The following SAMMSON variants were observed in gnomAD, a reference collection of about 807,000 sequenced individuals.
SAMMSON encodes the protein survival associated mitochondrial melanoma specific oncogenic non-coding RNA, also known as long intergenic non-protein coding RNA 1212.
chr3:70,095,860 A>G (rs771200678), intron 4 of SAMMSON: 13 of 152,210 alleles, frequency 8.5e-5, no homozygotes, highest in Non-Finnish European at 1.5e-4. Context: ...AAAATAACTA[A>G]TTTGACGTAT....
chr3:70,409,407 A>C (rs1284639651), intron 2 of SAMMSON, among the ~76,000 whole-genome samples: 1 of 151,982 alleles, frequency 6.6e-6, no homozygotes, highest in African/African-American at 2.4e-5. Flanking sequence ...TTTTTTGCAT[A>C]CAGATCAAAA....
intron 4 of SAMMSON, among the ~76,000 whole-genome samples, chr3:70,105,605 A>C (rs879404344): frequency 6.6e-6 from 1 of 152,206 alleles, no homozygotes; most frequent in Admixed American, 6.5e-5. Context: ...TTCCTTATGC[A>C]TGAGGCATTT....
chr3:70,254,939 A>T (rs754917061), intron 6 of SAMMSON, among the ~76,000 whole-genome samples: 2 of 152,178 alleles, frequency 1.3e-5, no homozygotes, highest in African/African-American at 2.4e-5. Context: ...TGGTTTCCTA[A>T]TATTCCTATT....
At chr3:70,272,307 C>T (rs1012679528) in intron 6 of SAMMSON, 1 of 152,258 alleles carries the variant, frequency 6.6e-6, no homozygotes, top group Admixed American at 6.5e-5. Context: ...CAGCCAGCCC[C>T]CAGGCAATCA....
intron 3 of SAMMSON, among the ~76,000 whole-genome samples, chr3:70,034,056 A>G (rs1365967969): frequency 6.6e-6 from 1 of 152,146 alleles, no homozygotes; most frequent in Non-Finnish European, 1.5e-5. Flanking sequence ...AGAGATAGAA[A>G]TTTGAAAGTT....
At chr3:70,136,534 G>A (rs536438108) in intron 4 of SAMMSON, among the ~76,000 whole-genome samples, 3 of 152,346 alleles carry the variant, frequency 2.0e-5, no homozygotes, top group South Asian at 4.1e-4. Context: ...TTGAGAGACT[G>A]TGAGCCAGAA....
chr3:70,418,021 A>C (rs1701279785), intron 2 of SAMMSON, among the ~76,000 whole-genome samples: 1 of 152,208 alleles, frequency 6.6e-6, no homozygotes, highest in African/African-American at 2.4e-5. Context: ...AGGTTAGGTC[A>C]TCCCTGAAGT....
chr3:70,045,843 A>G (rs1015564887), intron 3 of SAMMSON, among the ~76,000 whole-genome samples: 2 of 152,098 alleles, frequency 1.3e-5, no homozygotes, highest in Non-Finnish European at 2.9e-5. Context: ...TCTTTAAATC[A>G]TACAAATTAT....
At chr3:70,051,930 T>C (rs1283507570) in intron 3 of SAMMSON, among the ~76,000 whole-genome samples, 1 of 151,892 alleles carries the variant, frequency 6.6e-6, no homozygotes, top group Non-Finnish European at 1.5e-5. Context: ...AGACTGTGTC[T>C]TTAGAAAAAA....
intron 4 of SAMMSON, among the ~76,000 whole-genome samples, chr3:70,161,085 T>A (rs1449328453): frequency 6.6e-6 from 1 of 152,096 alleles, no homozygotes; most frequent in Admixed American, 6.6e-5. Context: ...TTTCTACACA[T>A]GGTATCATGT....
At chr3:70,190,010 C>T (rs1701119456) in intron 4 of SAMMSON, among the ~76,000 whole-genome samples, 1 of 152,148 alleles carries the variant, frequency 6.6e-6, no homozygotes, top group African/African-American at 2.4e-5. Context: ...GTTGGAATTA[C>T]ATCAGTGTGC....
chr3:70,381,026 C>G (rs139084473), intron 9 of SAMMSON, among the ~76,000 whole-genome samples: 3 of 152,218 alleles, frequency 2.0e-5, no homozygotes, highest in African/African-American at 7.2e-5. Flanking sequence ...GTCTTTATAG[C>G]AGCATGATTT....
At chr3:70,007,248 G>A (rs961521078) in intron 1 of SAMMSON, among the ~76,000 whole-genome samples, 6 of 152,146 alleles carry the variant, frequency 3.9e-5, no homozygotes, top group Non-Finnish European at 8.8e-5. Flanking sequence ...GGTTGAACTA[G>A]TTTACAGTCC....
intron 2 of SAMMSON, among the ~76,000 whole-genome samples, chr3:70,405,504 T>C (rs1397562182): frequency 6.6e-6 from 1 of 152,018 alleles, no homozygotes; most frequent in African/African-American, 2.4e-5. Flanking sequence ...AAATAAGTCA[T>C]AAATAGACAA....
intron 4 of SAMMSON, among the ~76,000 whole-genome samples, chr3:70,107,484 A>G (rs1241035576): frequency 6.6e-6 from 1 of 152,212 alleles, no homozygotes; most frequent in Non-Finnish European, 1.5e-5. Context: ...TGGGATTATA[A>G]CAGGAATGAC....
intron 4 of SAMMSON, among the ~76,000 whole-genome samples, chr3:70,078,836 C>T (rs2067258112): frequency 6.6e-6 from 1 of 152,162 alleles, no homozygotes; most frequent in Non-Finnish European, 1.5e-5. Flanking sequence ...AACTCTCTTG[C>T]CTCACTTTAG....
chr3:70,366,468 G>A (rs1372654082), intron 9 of SAMMSON, among the ~76,000 whole-genome samples: 1 of 102,960 alleles, frequency 9.7e-6, no homozygotes, highest in Non-Finnish European at 2.2e-5. Flanking sequence ...CTGTTTTTTT[G>A]TTTTGTTTCG....
At chr3:70,158,295 A>G (rs746077618) in intron 4 of SAMMSON, among the ~76,000 whole-genome samples, 5 of 152,096 alleles carry the variant, frequency 3.3e-5, no homozygotes, top group Non-Finnish European at 5.9e-5. Context: ...ATATAAACGG[A>G]ATCATACAAT....
chr3:70,424,937 A>T (rs1701345727), intron 2 of SAMMSON: 1 of 152,222 alleles, frequency 6.6e-6, no homozygotes, highest in African/African-American at 2.4e-5. Context: ...TGAAACTAAA[A>T]GGATGAAGAA....
Sources: allele counts gnomAD v4.1 joint callset (sites outside exome capture counted in the v4.1 genomes callset), GRCh38; gene constraint gnomAD v4.1.1; transcripts MANE v1.5; gene names NCBI Gene and HGNC (gene_info 2026-07-23, HGNC 2026-07-21).